Variants in ARHGEF1 observed in about 807,000 individuals in gnomAD.
ARHGEF1 encodes the protein 115 kDa guanine nucleotide exchange factor.
ARHGEF1 carries 40 observed loss-of-function variants against 119.7 expected under a neutral mutation model. That is an observed-to-expected ratio of 0.33 (90% confidence interval 0.26 to 0.44). ARHGEF1 has a LOEUF of 0.44. Among genes scored for constraint, ARHGEF1 ranks in the 20% least tolerant of loss-of-function variants. The pLI is 1.00. For missense variants in ARHGEF1, 976 were observed against 1,268.3 expected (o/e 0.77, Z 3.50); for synonymous variants, 494 against 521.0 (o/e 0.95, Z 0.71).
chr19:41,899,738 C>T (rs2074569564), intron 14 of ARHGEF1, among the ~76,000 whole-genome samples: 1 of 151,994 alleles, frequency 6.6e-6, no homozygotes, highest in Non-Finnish European at 1.5e-5. Context: ...CGAACGCCCG[C>T]CTCAGCCTCC....
At chr19:41,920,180 G>T (rs149183367), upstream of ARHGEF1, among the ~76,000 whole-genome samples, 1 of 97,690 alleles carries the variant, frequency 1.0e-5, no homozygotes, top group African/African-American at 4.5e-5. Context: ...GACATGACAC[G>T]CTCACAGACA....
At position 41,894,443 on chromosome 19, in the gene ARHGEF1, T is replaced by G; in HGVS notation, c.745-8T>G. On this transcript the variant is annotated splice_region_variant and splice_polypyrimidine_tract_variant and intron_variant, in intron 9 of 28. Transcript: ENST00000354532. Reference sequence around the variant, plus strand: ...CTTAGCCTGGTCTTCCTCCCCGCCCTCTCACAGGTGATGGGGAACCGGCGG... The same window carrying G: ...CTTAGCCTGGTCTTCCTCCCCGCCCGCTCACAGGTGATGGGGAACCGGCGG... 6.5e-7 allele frequency: 1 copy of G among 1,550,354 alleles called. No homozygotes were observed. The highest frequency in any genetic ancestry group is 1.2e-5 in the South Asian group (1 of 80,630).
rs782612176 is a variant in ARHGEF1, at chr19:41,905,727, G to C, written c.2337-33G>C. The C allele has an allele frequency of 6.2e-7, 1 of 1,612,672 alleles. No homozygotes were observed. Among genetic ancestry groups the C allele is most frequent in the South Asian group, 1.1e-5 (1 of 91,050 alleles). On this transcript the variant is annotated intron_variant, in intron 24 of 28. Transcript: ENST00000354532. This position sits in a 1 kb window ranked among gnomAD's most constrained non-coding sequence, Gnocchi z 6.4. ...GCCCCTGCGGCCCCCCAGGGCCAGG[G>C]GTGTGGGGTCACCCAGCACTTCCTC...
chr19:41,891,473 AG>A (rs1181703910), intron 4 of ARHGEF1, among the ~76,000 whole-genome samples: 1 of 152,080 alleles, frequency 6.6e-6, no homozygotes, highest in Non-Finnish European at 1.5e-5. Flanking sequence ...TAGTAGAGAC[AG>A]GGTTTCGCCA....
At chr19:41,909,491 G>A (rs2145880681), downstream of ARHGEF1, 7 of 1,252,430 alleles carry the variant, frequency 5.6e-6, no homozygotes, top group South Asian at 7.4e-5. This position sits in a 1 kb window ranked among gnomAD's most constrained non-coding sequence, Gnocchi z 5.2. Flanking sequence ...GAGTGGTGGT[G>A]TTGGGGAGGT....
upstream of ARHGEF1, among the ~76,000 whole-genome samples, chr19:41,922,671 G>C (rs1386831260): frequency 6.6e-6 from 1 of 152,030 alleles, no homozygotes; most frequent in Admixed American, 6.5e-5. Flanking sequence ...GCCTGGGTGG[G>C]CTGAGGCTGG....
In ARHGEF1 at chr19:41,884,262, C is replaced by T. The variant is rs1600637374; in HGVS notation, c.-20+973C>T. 3 of 686,390 alleles carry T rather than the reference C, an allele frequency of 4.4e-6. No homozygotes were observed. The East Asian group carries it at 8.2e-5, about 19-fold the overall frequency. 42.5% of individuals were successfully genotyped at this position (686,390 alleles called of 1,614,324 possible). Reference sequence around the variant, plus strand: ...GACAGGCCAGAGCGGCCCTATCTGGCCTGCGTGGCGCAGTACAGCGCTAGA... The same window carrying T: ...GACAGGCCAGAGCGGCCCTATCTGGTCTGCGTGGCGCAGTACAGCGCTAGA... On this transcript the variant is annotated intron_variant, in intron 1 of 28. Transcript: ENST00000354532.
chr19:41,897,905 C>T, intron 13 of ARHGEF1: 1 of 1,285,826 alleles, frequency 7.8e-7, no homozygotes, highest in Non-Finnish European at 9.8e-7. Flanking sequence ...TGTCTCTGTC[C>T]CCGGCATCTG....
At position 41,906,894 on chromosome 19, in the gene ARHGEF1, C is replaced by T. The variant is rs1568826984; in HGVS notation, c.*17+91C>T. 9.3e-7 allele frequency: 1 copy of T among 1,079,242 alleles called. No homozygotes were observed. The highest frequency in any genetic ancestry group is 2.7e-5 in the East Asian group (1 of 37,350). 66.9% of individuals were successfully genotyped at this position (1,079,242 alleles called of 1,614,324 possible). ...CCCTACAGCCCCTTCTGTCCATCTC[C>T]CTCTTTGTCTTTTCTGAATCTCCCC... On this transcript the variant is annotated intron_variant, in intron 28 of 28. Coordinates refer to ENST00000354532, the MANE Select transcript of ARHGEF1 (RefSeq NM_004706.4). This position sits in a 1 kb window ranked among gnomAD's most constrained non-coding sequence, Gnocchi z 4.5.
At chr19:41,925,970 G>A (rs2074868518) in intron 1 of ARHGEF1, among the ~76,000 whole-genome samples, 1 of 152,032 alleles carries the variant, frequency 6.6e-6, no homozygotes, top group Admixed American at 6.6e-5. Flanking sequence ...GTGTGCAACA[G>A]AAGGAATGTG....
At chr19:41,897,240 C>G in intron 13 of ARHGEF1, 1 of 1,271,952 alleles carries the variant, frequency 7.9e-7, no homozygotes, top group Middle Eastern at 2.2e-4. Context: ...GCTTTGGGGA[C>G]CCTTTGGTGG....
downstream of ARHGEF1, chr19:41,909,773 C>G (rs2074742060): frequency 2.9e-6 from 4 of 1,398,492 alleles, no homozygotes; most frequent in Non-Finnish European, 3.8e-6. The surrounding 1 kb of genome is among the most constrained non-coding windows in gnomAD (Gnocchi z 5.2). Flanking sequence ...TGGGATCCAG[C>G]AGGAACCTGC....
At position 41,898,442 on chromosome 19, in the gene ARHGEF1, C is replaced by A; in HGVS notation, c.1122C>A (p.Ser374Arg). The A allele has an allele frequency of 6.5e-7, 1 of 1,547,146 alleles. No individual in the cohort carries two copies. Residue 374 changes from serine to arginine, a missense_variant and splice_region_variant, in exon 14 of 29, where the codon AGC (serine) becomes AGA (arginine). Physicochemically the swap from Ser to Arg is moderately radical, Grantham distance 110. Coordinates refer to ENST00000354532, the MANE Select transcript of ARHGEF1 (RefSeq NM_004706.4). ...ESTDEGAETESPEPGDEGEPG... is the reference protein window; with the variant it reads ...ESTDEGAETERPEPGDEGEPG... ...GCCCTAACAAGGCCTCTGTCCACAG[C>A]CCCGAGCCTGGAGATGAGGGGGAGC...
rs1555850070 is a variant in ARHGEF1, at chr19:41,905,855, G to A, written c.2404+28G>A. 3 of 1,613,902 alleles carry A rather than the reference G, an allele frequency of 1.9e-6. No homozygotes were observed. The highest frequency in any genetic ancestry group is 2.5e-6 in the Non-Finnish European group (3 of 1,179,910). The stretch of plus-strand genomic sequence containing the variant: ...GAGACCAGAGGGATGCTGGGTGAGG[G>A]GCCAGGTTGGGGCTGCCGGGTGAAG... On this transcript the variant is annotated intron_variant, in intron 25 of 28. Coordinates refer to ENST00000354532, the MANE Select transcript of ARHGEF1 (RefSeq NM_004706.4). This position sits in a 1 kb window ranked among gnomAD's most constrained non-coding sequence, Gnocchi z 6.4.
At chr19:41,895,037 C>T (rs921440538) in intron 11 of ARHGEF1, among the ~76,000 whole-genome samples, 3 of 131,870 alleles carry the variant, frequency 2.3e-5, no homozygotes, top group Middle Eastern at 0.01. Context: ...GGCTCAGACT[C>T]GGACTCTTAG....
At chr19:41,912,021 A>G (rs2074755277), downstream of ARHGEF1, among the ~76,000 whole-genome samples, 1 of 151,980 alleles carries the variant, frequency 6.6e-6, no homozygotes, top group African/African-American at 2.4e-5. Context: ...GGAACGCCAC[A>G]CAACCCGAGA....
intron 1 of ARHGEF1, among the ~76,000 whole-genome samples, chr19:41,926,262 G>T (rs570232487): frequency 2.6e-5 from 4 of 151,902 alleles, no homozygotes; most frequent in Non-Finnish European, 5.9e-5. Flanking sequence ...GTGTGAGGGG[G>T]ACAAGTGTTA....
rs782728304 is a variant in ARHGEF1 at position 41,893,267 on chromosome 19, C to T, written c.615-7C>T. The T allele has an allele frequency of 1.9e-6, 3 of 1,612,158 alleles. No homozygotes were observed. Among genetic ancestry groups the T allele is most frequent in the African/African-American group, 1.3e-5 (1 of 74,482 alleles). On this transcript the variant is annotated splice_polypyrimidine_tract_variant and splice_region_variant and intron_variant, in intron 7 of 28. Transcript: ENST00000354532. ...ATATGTCACAAACATCTCTCTTCCT[C>T]CTACAGACATACCATCTCTACCGAC...
At chr19:41,913,568 C>T (rs1382116499) in intron 18 of ARHGEF1, among the ~76,000 whole-genome samples, 1 of 151,512 alleles carries the variant, frequency 6.6e-6, no homozygotes, top group Non-Finnish European at 1.5e-5. Context: ...GGGCAGCCCC[C>T]AGCGCCCTGC....
Sources: gnomAD v4.1 joint callset for allele counts (sites outside exome capture counted in the v4.1 genomes callset) on GRCh38, gnomAD v4.1.1 for gene constraint, Gnocchi (gnomAD v3.1) non-coding constraint, MANE v1.5 for transcripts, NCBI Gene and HGNC (gene_info 2026-07-23, HGNC 2026-07-21) for gene names.